The following AHNAK variants were observed in gnomAD, a reference collection of about 807,000 sequenced individuals.
AHNAK encodes neuroblast differentiation-associated protein AHNAK.
AHNAK carries 23 observed loss-of-function variants against 37.8 expected under a neutral mutation model. The ratio of observed to expected loss-of-function variants is 0.61; its 90% CI spans 0.44 to 0.86. AHNAK has a LOEUF of 0.86. Ranked by LOEUF, AHNAK falls within the 40% of genes least tolerant of loss-of-function variation. AHNAK has a pLI of 0.00. For missense variants in AHNAK, 7,411 were observed against 7,319.4 expected (o/e 1.01, Z -0.46); for synonymous variants, 2,481 against 2,636.3 (o/e 0.94, Z 1.80).
Position 62,519,799 on chromosome 11 carries a change from T to G in AHNAK, c.14618A>C (p.Lys4873Thr), listed in dbSNP as rs1210654867. 6.2e-7 allele frequency: 1 copy of G among 1,613,988 alleles called. No individual in the cohort carries two copies. Among genetic ancestry groups the G allele is most frequent in the South Asian group, 1.1e-5 (1 of 91,050 alleles). The stretch of plus-strand genomic sequence containing the variant: ...TGGGCCTTTCAAAGTCCCTTCAACC[T>G]TAGGGACAGACACATCAAAATCTCC... ...VKGDFDVSVP[K>T]VEGTLKGPEV... The change falls in exon 5 of 5, where the codon AAG (lysine) becomes ACG (threonine). Residue 4873 changes from lysine to threonine, a missense_variant. Physicochemically the swap from Lys to Thr is moderately conservative, Grantham distance 78. Transcript: ENST00000378024.
intron 5 of AHNAK, among the ~76,000 whole-genome samples, chr11:62,454,939 T>A (rs1456181930): frequency 4.6e-5 from 7 of 151,282 alleles, no homozygotes; most frequent in African/African-American, 9.7e-5. Flanking sequence ...TATTTTTTTT[T>A]TTTTTTTGAG....
intron 4 of AHNAK, among the ~76,000 whole-genome samples, chr11:62,500,064 G>C (rs1009965756): frequency 5.9e-5 from 9 of 152,202 alleles, no homozygotes; most frequent in Non-Finnish European, 1.5e-5. Flanking sequence ...GAATAGAGAA[G>C]AGGGCAGGTG....
Position 62,516,578 on chromosome 11 carries a change from G to A in AHNAK, c.*166C>T. On this transcript the variant is annotated 3_prime_UTR_variant, in exon 5 of 5. Transcript: ENST00000378024. ...TTTACCTATCTGTATAGTTCCAGGA[G>A]CCTACAGGCGGTCGGTTTTTCAGCG... is the stretch of plus-strand genomic sequence containing the variant. 1 of 1,466,144 alleles carries A rather than the reference G, an allele frequency of 6.8e-7. No individual in the cohort carries two copies. The highest frequency in any genetic ancestry group is 8.9e-7 in the Non-Finnish European group (1 of 1,120,002). The allele number at this position is 1,466,144 out of a possible 1,614,324, so 90.8% of individuals were successfully genotyped here.
At chr11:62,452,489 T>C (rs945430581) in intron 5 of AHNAK, among the ~76,000 whole-genome samples, 1 of 152,202 alleles carries the variant, frequency 6.6e-6, no homozygotes, top group Admixed American at 6.5e-5. Flanking sequence ...GCTGCTATTA[T>C]TGGTTGTGTG....
At chr11:62,454,930 AT>A (rs67424324) in intron 5 of AHNAK, among the ~76,000 whole-genome samples, 95,994 of 134,438 alleles carry the variant, frequency 0.71, 34,209 homozygotes, top group South Asian at 0.83. Flanking sequence ...TTATTTATTT[AT>A]TTTTTTTTTT....
chr11:62,528,150 T>C lies in AHNAK; in HGVS notation c.6267A>G (p.Pro2089=), dbSNP rs745972591. The C allele has an allele frequency of 2.5e-6, 4 of 1,612,932 alleles. No homozygotes were observed. The highest frequency in any genetic ancestry group is 3.4e-6 in the Non-Finnish European group (4 of 1,179,824). The part of the protein sequence containing the change: ...VSGPKVDVEV[P]DVSLEGPEGK... ...CTTCTGGACCTTCAAGGCTCACATC[T>C]GGGACTTCAACATCCACCTTGGGTC... is the stretch of plus-strand genomic sequence containing the variant. Residue 2089 remains proline, a synonymous_variant, in exon 5 of 5, where the codon CCA becomes CCG. Coordinates refer to ENST00000378024, the MANE Select transcript of AHNAK (RefSeq NM_001620.3).
chr11:62,457,987 C>T (rs549197899), intron 5 of AHNAK, among the ~76,000 whole-genome samples: 2 of 149,388 alleles, frequency 1.3e-5, no homozygotes, highest in South Asian at 4.3e-4. Context: ...GATCTCAGCT[C>T]ACTGCAACCT....
At position 62,526,304 on chromosome 11, in the gene AHNAK, G is replaced by A. The variant is rs137897234; in HGVS notation, c.8113C>T (p.Pro2705Ser). 1 of 1,613,816 alleles carries A rather than the reference G, an allele frequency of 6.2e-7. No individual in the cohort carries two copies. Among genetic ancestry groups the A allele is most frequent in the East Asian group, 2.2e-5 (1 of 44,854 alleles). The change falls in exon 5 of 5, where the codon CCC becomes TCC. Residue 2705 changes from proline (P) to serine (S), a missense_variant. By Grantham distance (74) the Pro-to-Ser change is moderately conservative (BLOSUM62 -1). Coordinates refer to ENST00000378024, the MANE Select transcript of AHNAK (RefSeq NM_001620.3). ...TCAATATCAGGCATGGAGATCTTGG[G>A]GGCTTTGATATTCATCTCTGGCATC... ...FKMPEMNIKA[P>S]KISMPDIDLN...
Position 62,539,857 on chromosome 11 carries a change from TC to T in AHNAK, c.-99-3291del, listed in dbSNP as rs149211041. On this transcript the variant is annotated intron_variant, in intron 1 of 4. Transcript: ENST00000378024. ...CTGTCCTGGCACAGCCTGGAAGGAC[TC>T]CCCTCTCATCTGACCTGGGCCATTC... Among the ~76,000 whole-genome samples, 414 of 152,258 alleles carry T rather than the reference TC, an allele frequency of 2.7e-3. 8 individuals are homozygous for T. The East Asian group carries it at 0.047, about 17-fold the overall frequency.
chr11:62,479,390 C>T (rs1939218939), intron 5 of AHNAK, among the ~76,000 whole-genome samples: 1 of 151,920 alleles, frequency 6.6e-6, no homozygotes, highest in East Asian at 1.9e-4. Context: ...TGATCTCGAA[C>T]TCCTGACCTC....
In AHNAK at chr11:62,532,065, C is replaced by T. The variant is rs745746021; in HGVS notation, c.2352G>A (p.Lys784=). The T allele has an allele frequency of 6.2e-6, 10 of 1,613,336 alleles. No homozygotes were observed. Among genetic ancestry groups the T allele is most frequent in the Non-Finnish European group, 8.5e-6 (10 of 1,179,906 alleles). Residue 784 remains lysine, a synonymous_variant, in exon 5 of 5, where the codon AAG becomes AAA. Coordinates refer to ENST00000378024, the MANE Select transcript of AHNAK (RefSeq NM_001620.3). Reference sequence around the variant, plus strand: ...TCACATCAGGAGCAGTAACATCTATCTTGGGCCCGGAAATGTCCACATCAG... The same window carrying T: ...TCACATCAGGAGCAGTAACATCTATTTTGGGCCCGGAAATGTCCACATCAG... ...PKADVDISGP[K]IDVTAPDVSI...
rs973904679 is a variant in AHNAK, at chr11:62,531,302, G to C, written c.3115C>G (p.Pro1039Ala). 1.9e-6 allele frequency: 3 copies of C among 1,613,740 alleles called. No homozygotes were observed. Among genetic ancestry groups the C allele is most frequent in the Non-Finnish European group, 8.5e-7 (1 of 1,179,912 alleles). The part of the protein sequence containing the change: ...ISAPKVDTNA[P>A]DLSLEGPEGK... ...TCAGGTCCTTCAAGGCTCAGATCTG[G>C]AGCATTAGTATCTACTTTTGGTGCA... Residue 1039 changes from proline (P) to alanine (A), a missense_variant, in exon 5 of 5, where the codon CCA (proline) becomes GCA (alanine). Physicochemically the swap from Pro to Ala is conservative, Grantham distance 27. Transcript: ENST00000378024.
rs1940654617 is a variant in AHNAK, at chr11:62,529,726, C to A, written c.4691G>T (p.Gly1564Val). 2.5e-6 allele frequency: 4 copies of A among 1,614,006 alleles called. No individual in the cohort carries two copies. Among genetic ancestry groups the A allele is most frequent in the African/African-American group, 2.7e-5 (2 of 75,002 alleles). Residue 1564 changes from glycine to valine, a missense_variant, in exon 5 of 5, where the codon GGC becomes GTC. Transcript: ENST00000378024. Reference protein sequence around the residue: ...NLEAPEGKLKGPKFKMPSMNI... With the variant: ...NLEAPEGKLKVPKFKMPSMNI... ...CATGCTTGGCATCTTGAACTTAGGG[C>A]CTTTTAGTTTCCCCTCTGGAGCTTC...
intron 5 of AHNAK, among the ~76,000 whole-genome samples, chr11:62,466,072 C>T (rs924088950): frequency 2.0e-5 from 3 of 152,158 alleles, no homozygotes; most frequent in African/African-American, 7.2e-5. Flanking sequence ...GTAATCCCAG[C>T]ACTTTGGGAG....
chr11:62,516,676 T>C lies in AHNAK; in HGVS notation c.*68A>G, dbSNP rs1940027074. The C allele has an allele frequency of 2.6e-6, 4 of 1,520,340 alleles. No individual in the cohort carries two copies. Among genetic ancestry groups the C allele is most frequent in the East Asian group, 2.3e-5 (1 of 44,188 alleles). The allele number at this position is 1,520,340 out of a possible 1,614,324, so 94.2% of individuals were successfully genotyped here. A position where few individuals can be genotyped will look rare whatever the true frequency, so the allele number is the denominator to read the frequency against. Reference sequence around the variant, plus strand: ...GGTGTGTTTCCCTTTGGAGTTTATATAGGAACACACCACCCAAGGCTGATG... The same window carrying C: ...GGTGTGTTTCCCTTTGGAGTTTATACAGGAACACACCACCCAAGGCTGATG... On this transcript the variant is annotated 3_prime_UTR_variant, in exon 5 of 5. Transcript: ENST00000378024.
Position 62,521,501 on chromosome 11 carries a change from C to T in AHNAK, c.12916G>A (p.Asp4306Asn). 6.2e-7 allele frequency: 1 copy of T among 1,610,530 alleles called. No homozygotes were observed. Among genetic ancestry groups the T allele is most frequent in the Non-Finnish European group, 8.5e-7 (1 of 1,179,106 alleles). ...AGGTGCCAGTCTGGGCCATGAACAT[C>T]TACATCAGGGGCATCGATGTCCACT... ...PKVDIDAPDV[D>N]VHGPDWHLKM... Residue 4306 changes from aspartate to asparagine, a missense_variant, in exon 5 of 5, where the codon GAT becomes AAT. Physicochemically the swap from Asp to Asn is conservative, Grantham distance 23. Transcript: ENST00000378024.
intron 5 of AHNAK, among the ~76,000 whole-genome samples, chr11:62,444,163 A>G (rs1158790631): frequency 6.6e-6 from 1 of 152,206 alleles, no homozygotes; most frequent in African/African-American, 2.4e-5. Flanking sequence ...CCTGGCGATA[A>G]CACAAAAGGC....
At chr11:62,436,332 CAGAG>C (rs1251790175) in intron 5 of AHNAK, among the ~76,000 whole-genome samples, 2 of 152,122 alleles carry the variant, frequency 1.3e-5, no homozygotes, top group Non-Finnish European at 2.9e-5. Flanking sequence ...GCAGGCAACA[CAGAG>C]AGCTTTGATG....
At chr11:62,508,297 G>C (rs556312528) in intron 4 of AHNAK, among the ~76,000 whole-genome samples, 2 of 152,054 alleles carry the variant, frequency 1.3e-5, no homozygotes, top group African/African-American at 4.8e-5. Context: ...AGCTTGGATC[G>C]ATTTTGGCCA....
Sources: allele counts gnomAD v4.1 joint callset (sites outside exome capture counted in the v4.1 genomes callset), GRCh38; gene constraint gnomAD v4.1.1; transcripts MANE v1.5; gene names NCBI Gene and HGNC (gene_info 2026-07-23, HGNC 2026-07-21).